Variants in SYT17 observed in about 807,000 individuals in gnomAD.
SYT17 encodes synaptotagmin 17.
In SYT17, 22 loss-of-function variants were observed where a neutral mutation model predicts 46.7. The ratio of observed to expected loss-of-function variants is 0.47; its 90% CI spans 0.34 to 0.67. The LOEUF is 0.67. Ranked by LOEUF, SYT17 falls within the 30% of genes least tolerant of loss-of-function variation. The pLI is 0.01. For synonymous variants in SYT17, 251 were observed against 248.4 expected (o/e 1.01, Z -0.10); for missense variants, 519 against 612.8 (o/e 0.85, Z 1.62).
intron 7 of SYT17, 138 bp from the exon 8 acceptor site, chr16:19,266,742 C>T (rs529976400): frequency 3.1e-5 from 20 of 647,674 alleles, no homozygotes; most frequent in South Asian, 2.9e-4. Flanking sequence ...AAAAAGACAG[C>T]GTGCCCTAAA....
chr16:19,200,786 G>C (rs1965430576), intron 5 of SYT17, among the ~76,000 whole-genome samples: 1 of 152,232 alleles, frequency 6.6e-6, no homozygotes, highest in African/African-American at 2.4e-5. Flanking sequence ...TGTAAACCCA[G>C]TGTTGAGAGA....
intron 7 of SYT17, among the ~76,000 whole-genome samples, chr16:19,240,053 G>A (rs1414971390): frequency 1.3e-5 from 2 of 152,222 alleles, no homozygotes; most frequent in African/African-American, 4.8e-5. Context: ...AGGAACCACA[G>A]GGCCCCAAAG....
At chr16:19,212,816 C>G (rs1458162283) in intron 5 of SYT17, among the ~76,000 whole-genome samples, 2 of 152,204 alleles carry the variant, frequency 1.3e-5, no homozygotes, top group African/African-American at 4.8e-5. Context: ...CTTGGGAGGG[C>G]TGAACCCACT....
In SYT17 at chr16:19,168,795, C is replaced by A. The variant is rs1440822914; in HGVS notation, c.15+134C>A. 1 of 1,184,598 alleles carries A rather than the reference C, an allele frequency of 8.4e-7. No homozygotes were observed. The highest frequency in any genetic ancestry group is 1.1e-6 in the Non-Finnish European group (1 of 877,464). 73.4% of individuals were successfully genotyped at this position (1,184,598 alleles called of 1,614,324 possible). ...TGCTTCGAGAAAAAGGGTGCCCGTG[C>A]GCGGGCAACCTGTGCAGCAACAGGG... On this transcript the variant is annotated intron_variant, in intron 1 of 7. Transcript: ENST00000355377. The surrounding 1 kb of genome is among the most constrained non-coding windows in gnomAD (Gnocchi z 6.9).
chr16:19,174,812 T>C (rs978617797), intron 3 of SYT17, among the ~76,000 whole-genome samples: 3 of 146,716 alleles, frequency 2.0e-5, no homozygotes, highest in Non-Finnish European at 3.1e-5. Flanking sequence ...ACTTTGTTGG[T>C]GATCATACAT....
Position 19,173,132 on chromosome 16 carries a change from C to T in SYT17, c.34-298C>T, listed in dbSNP as rs1964168253. The T allele has an allele frequency of 7.5e-6, 4 of 533,402 alleles. No individual in the cohort carries two copies. In the Admixed American group the frequency reaches 1.5e-4, roughly 19 times the overall value. 33.0% of individuals were successfully genotyped at this position (533,402 alleles called of 1,614,324 possible). A position where few individuals can be genotyped will look rare whatever the true frequency, so the allele number is the denominator to read the frequency against. ...CCCTTATGATGTTGTATAAACCACC[C>T]ACATGTCAAGAAAGACGTTCACATA... is the stretch of plus-strand genomic sequence containing the variant. On this transcript the variant is annotated intron_variant, in intron 2 of 7. Coordinates refer to ENST00000355377, the MANE Select transcript of SYT17 (RefSeq NM_016524.4).
At chr16:19,214,320 C>T (rs965233350) in intron 5 of SYT17, among the ~76,000 whole-genome samples, 2 of 152,016 alleles carry the variant, frequency 1.3e-5, no homozygotes, top group East Asian at 1.9e-4. Context: ...TCAGCTGGCT[C>T]CTGGTCAGCT....
rs141581882 is a variant in SYT17 at position 19,238,283 on chromosome 16, G to T, written c.1228+13445G>T. On this transcript the variant is annotated intron_variant, in intron 7 of 7. Coordinates refer to ENST00000355377, the MANE Select transcript of SYT17 (RefSeq NM_016524.4). Reference sequence around the variant, plus strand: ...TTCCCAGCTCACAGGCTATTGTGGGGACAAAAGGAAATAATGTATAAATGG... The same window carrying T: ...TTCCCAGCTCACAGGCTATTGTGGGTACAAAAGGAAATAATGTATAAATGG... Among the ~76,000 whole-genome samples, 507 of 152,312 alleles carry T rather than the reference G, an allele frequency of 3.3e-3. 6 individuals are homozygous for T. Among genetic ancestry groups the T allele is most frequent in the African/African-American group, 0.012 (482 of 41,550 alleles).
At chr16:19,201,094 CAG>C (rs1482753316) in intron 5 of SYT17, among the ~76,000 whole-genome samples, 2 of 152,202 alleles carry the variant, frequency 1.3e-5, no homozygotes, top group Admixed American at 6.5e-5. Flanking sequence ...ACTGAGGCCC[CAG>C]CTACTGCCGG....
chr16:19,168,286 G>A lies in SYT17; in HGVS notation c.-361G>A. ...CGGCCCCGCCTGCGCTGGGGTCGCTGCAGTCCCCGCAGCTGCCCCGGGCTG... is the reference window on the plus strand; with the variant it reads ...CGGCCCCGCCTGCGCTGGGGTCGCTACAGTCCCCGCAGCTGCCCCGGGCTG... On this transcript the variant is annotated 5_prime_UTR_variant, in exon 1 of 8. Transcript: ENST00000355377. The surrounding 1 kb of genome is among the most constrained non-coding windows in gnomAD (Gnocchi z 6.9). 3.5e-6 allele frequency: 1 copy of A among 284,016 alleles called. No homozygotes were observed. The highest frequency in any genetic ancestry group is 6.6e-6 in the Non-Finnish European group (1 of 151,938). The allele number at this position is 284,016 out of a possible 1,614,324, so 17.6% of individuals were successfully genotyped here.
chr16:19,201,582 T>G (rs1965465975), intron 5 of SYT17, among the ~76,000 whole-genome samples: 2 of 147,520 alleles, frequency 1.4e-5, no homozygotes, highest in Admixed American at 1.4e-4. Context: ...AACCAAAGAC[T>G]GAGAGAAGGT....
At chr16:19,236,268 G>A (rs1457939690) in intron 7 of SYT17, among the ~76,000 whole-genome samples, 1 of 152,152 alleles carries the variant, frequency 6.6e-6, no homozygotes, top group Non-Finnish European at 1.5e-5. Context: ...GAACAATGGG[G>A]ACAGTAATAC....
chr16:19,238,130 C>G (rs1966873477), intron 7 of SYT17, among the ~76,000 whole-genome samples: 1 of 152,144 alleles, frequency 6.6e-6, no homozygotes, highest in South Asian at 2.1e-4. Flanking sequence ...GAGAGTCACT[C>G]ACTGGACTAT....
chr16:19,169,425 C>T (rs1342047310), intron 1 of SYT17, among the ~76,000 whole-genome samples: 2 of 152,242 alleles, frequency 1.3e-5, no homozygotes, highest in East Asian at 3.9e-4. Flanking sequence ...AGCAGGCAGA[C>T]CCGCAGTGAG....
chr16:19,183,460 T>C lies in SYT17; in HGVS notation c.332-68T>C. 6.3e-7 allele frequency: 1 copy of C among 1,582,052 alleles called. No homozygotes were observed. Among genetic ancestry groups the C allele is most frequent in the Non-Finnish European group, 8.6e-7 (1 of 1,162,880 alleles). On this transcript the variant is annotated intron_variant, in intron 4 of 7. Transcript: ENST00000355377. This position sits in a 1 kb window ranked among gnomAD's most constrained non-coding sequence, Gnocchi z 5.6. ...AGAGTAAACAATGCAAGAATCTGCT[T>C]ACCTGCAAAGTGGCCCAGGTCTGCC... is the stretch of plus-strand genomic sequence containing the variant.
At chr16:19,171,121 C>T (rs1447564654) in intron 1 of SYT17, 1 of 152,260 alleles carries the variant, frequency 6.6e-6, no homozygotes, top group Non-Finnish European at 1.5e-5. Context: ...CTTCCTGGCT[C>T]AGCTTGTTGC....
At chr16:19,246,744 T>A (rs1036838800) in intron 7 of SYT17, among the ~76,000 whole-genome samples, 1 of 152,232 alleles carries the variant, frequency 6.6e-6, no homozygotes, top group African/African-American at 2.4e-5. Flanking sequence ...TTTGTACATC[T>A]TAGACAGTTT....
At chr16:19,235,343 G>A (rs1440033423) in intron 7 of SYT17, among the ~76,000 whole-genome samples, 1 of 152,044 alleles carries the variant, frequency 6.6e-6, no homozygotes, top group African/African-American at 2.4e-5. Flanking sequence ...ACATCTGAGG[G>A]GCAGATACAA....
chr16:19,191,176 TA>T (rs895239338), intron 5 of SYT17, among the ~76,000 whole-genome samples: 80 of 145,048 alleles, frequency 5.5e-4, no homozygotes, highest in Middle Eastern at 3.6e-3. Context: ...AAGTTTAATC[TA>T]AAAAAAAAAA....
Sources: allele counts gnomAD v4.1 joint callset (sites outside exome capture counted in the v4.1 genomes callset), GRCh38; gene constraint gnomAD v4.1.1; non-coding constraint Gnocchi (gnomAD v3.1); transcripts MANE v1.5; gene names NCBI Gene and HGNC (gene_info 2026-07-23, HGNC 2026-07-21).